Variants in TSEN15 observed in about 807,000 individuals in gnomAD.
TSEN15 encodes tRNA splicing endonuclease subunit 15, also known as tRNA-splicing endonuclease subunit Sen15.
Under a neutral mutation model 20.5 loss-of-function variants are expected in TSEN15, and 10 were observed. The observed-to-expected ratio is 0.49, with a 90% CI of 0.30 to 0.83. The LOEUF is 0.83. Ranked by LOEUF, TSEN15 falls within the 40% of genes least tolerant of loss-of-function variation. The probability of loss-of-function intolerance (pLI) is 0.06; values close to 1 mark genes in which losing one functional copy is unlikely to be tolerated. For missense variants in TSEN15, 180 were observed against 218.6 expected, an observed-to-expected ratio of 0.82 and a Z score of 1.11; for synonymous variants, 72 against 80.1, an observed-to-expected ratio of 0.90 and a Z score of 0.54.
intron 3 of TSEN15, chr1:184,094,461 C>T (rs1651414117): frequency 6.6e-6 from 1 of 152,320 alleles, no homozygotes; most frequent in Admixed American, 6.5e-5. Flanking sequence ...GCTCCTCACC[C>T]TCCTTTAGCG....
chr1:184,054,608 G>A (rs1650175671), intron 2 of TSEN15, 120 bp from the exon 3 acceptor site: 3 of 1,304,876 alleles, frequency 2.3e-6, no homozygotes, highest in Non-Finnish European at 3.1e-6. Flanking sequence ...TACTAGAAAA[G>A]CAAAGACAGG....
At chr1:184,070,780 T>C in intron 3 of TSEN15, 3 of 611,716 alleles carry the variant, frequency 4.9e-6, no homozygotes, top group Non-Finnish European at 4.4e-6. Flanking sequence ...TCAGAATATC[T>C]TTCTCTAAAG....
At chr1:184,097,130 A>G (rs1034917007) in exon 4 of TSEN15, 3 of 152,228 alleles carry the variant, frequency 2.0e-5, no homozygotes, top group Non-Finnish European at 2.9e-5. Context: ...TGTATTTGAA[A>G]AAAACAGAAC....
intron 4 of TSEN15, 144 bp downstream of exon 4, chr1:184,072,442 G>T: frequency 1.3e-6 from 1 of 781,932 alleles, no homozygotes; most frequent in African/African-American, 1.8e-5. Context: ...ATTTTCAGAC[G>T]TCAGAAAATT....
rs145335232 is a variant in TSEN15, at chr1:184,060,898, A to G, written c.353+6035A>G. The stretch of plus-strand genomic sequence containing the variant: ...ATACCAATGTATAAATTAATGAGTT[A>G]TAAGGCAAACGTCTAGAACTCTTGT... On this transcript the variant is annotated intron_variant, in intron 3 of 4. Coordinates refer to ENST00000645668, the MANE Select transcript of TSEN15 (RefSeq NM_052965.4). Among the ~76,000 whole-genome samples the G allele has an allele frequency of 8.6e-4, 131 of 152,354 alleles. 3 individuals are homozygous for G. The East Asian group carries it at 0.025, about 29-fold the overall frequency.
chr1:184,077,726 G>A (rs1056558189), downstream of TSEN15, among the ~76,000 whole-genome samples: 2 of 152,142 alleles, frequency 1.3e-5, no homozygotes, highest in African/African-American at 2.4e-5. Context: ...GAGCATTCAA[G>A]ACTTTAGTGG....
intron 3 of TSEN15, among the ~76,000 whole-genome samples, chr1:184,080,717 AAAG>A (rs2102900857): frequency 6.6e-6 from 1 of 152,350 alleles, no homozygotes; most frequent in South Asian, 2.1e-4. Context: ...AATAGTAAAT[AAAG>A]AAGAACTCAG....
chr1:184,055,299 C>CT (rs1411462290), intron 3 of TSEN15, among the ~76,000 whole-genome samples: 11 of 152,108 alleles, frequency 7.2e-5, no homozygotes, highest in Non-Finnish European at 1.3e-4. Flanking sequence ...ACTCATTGTC[C>CT]TGAAGACAGC....
chr1:184,084,598 A>G lies in TSEN15; in HGVS notation c.354-11092A>G, dbSNP rs112373453. Among the ~76,000 whole-genome samples the G allele has an allele frequency of 1.5e-3, 227 of 151,986 alleles. 1 individual carries two copies. Among genetic ancestry groups the G allele is most frequent in the Middle Eastern group, 3.4e-3 (1 of 294 alleles). On this transcript the variant is annotated intron_variant, in intron 3 of 3. Coordinates refer to the TSEN15 transcript ENST00000643231. ...CAGAATATCAGAGACTGGGTAATTT[A>G]TAATGAACAGAAATTTATTAGCTCA...
intron 3 of TSEN15, among the ~76,000 whole-genome samples, chr1:184,064,411 G>T (rs1650572417): frequency 6.6e-6 from 1 of 152,118 alleles, no homozygotes; most frequent in Non-Finnish European, 1.5e-5. Context: ...GAGAGTACCT[G>T]CCTGCAGTTG....
At chr1:184,054,945 T>C in intron 3 of TSEN15, 82 bp downstream of exon 3, 1 of 1,462,776 alleles carries the variant, frequency 6.8e-7, no homozygotes, top group Non-Finnish European at 9.2e-7. Context: ...ATACTTTTAA[T>C]GAAATTTGGG....
At chr1:184,089,556 G>A (rs1184895580) in intron 3 of TSEN15, among the ~76,000 whole-genome samples, 1 of 152,080 alleles carries the variant, frequency 6.6e-6, no homozygotes, top group African/African-American at 2.4e-5. Context: ...AGAGTGGAGT[G>A]ACCCTGGTGC....
intron 3 of TSEN15, among the ~76,000 whole-genome samples, chr1:184,059,694 C>T (rs953814408): frequency 6.6e-6 from 1 of 152,134 alleles, no homozygotes; most frequent in African/African-American, 2.4e-5. Flanking sequence ...CTTCAGCGTT[C>T]TAAGTAGCTG....
chr1:184,075,043 A>G (rs1651029565), downstream of TSEN15, among the ~76,000 whole-genome samples: 2 of 152,116 alleles, frequency 1.3e-5, no homozygotes, highest in African/African-American at 4.8e-5. Flanking sequence ...TTCTAGAAAA[A>G]TAGCATTTTC....
chr1:184,072,368 C>T, intron 4 of TSEN15, 70 bp downstream of exon 4: 2 of 1,426,964 alleles, frequency 1.4e-6, no homozygotes, highest in Non-Finnish European at 1.9e-6. Flanking sequence ...TTAAGTGTGA[C>T]TCAAGTCAGT....
At chr1:184,072,009 T>C (rs1650900902) in intron 3 of TSEN15, 148 bp from the exon 4 acceptor site, 11 of 669,292 alleles carry the variant, frequency 1.6e-5, no homozygotes, top group Non-Finnish European at 2.1e-5. Context: ...CAGAAGACTC[T>C]GATGTTATTT....
intron 3 of TSEN15, among the ~76,000 whole-genome samples, chr1:184,056,668 TGTGAGAGGCG>T (rs1650259954): frequency 6.6e-6 from 1 of 152,170 alleles, no homozygotes; most frequent in African/African-American, 2.4e-5. Context: ...TTTTTAATGG[TGTGAGAGGCG>T]GTTAGGGATA....
At chr1:184,083,406 T>A (rs1651205829) in intron 3 of TSEN15, among the ~76,000 whole-genome samples, 1 of 152,250 alleles carries the variant, frequency 6.6e-6, no homozygotes, top group African/African-American at 2.4e-5. Flanking sequence ...ATCTGCCTGA[T>A]AAGTTTACTT....
At chr1:184,063,733 C>T (rs1544080) in intron 3 of TSEN15, among the ~76,000 whole-genome samples, 1,704 of 152,088 alleles carry the variant, frequency 0.011, 17 homozygotes, top group Non-Finnish European at 0.019. Context: ...TGTATTATCA[C>T]AGCAGTAACC....
Sources: gnomAD v4.1 joint callset for allele counts (sites outside exome capture counted in the v4.1 genomes callset) on GRCh38, gnomAD v4.1.1 for gene constraint, MANE v1.5 for transcripts, NCBI Gene and HGNC (gene_info 2026-07-23, HGNC 2026-07-21) for gene names.